Variants in RCOR1 observed in about 807,000 individuals in gnomAD.
RCOR1 encodes REST corepressor.
A neutral mutation model predicts 64.0 loss-of-function variants in RCOR1; 12 were observed. The observed-to-expected ratio is 0.19, with a 90% CI of 0.12 to 0.30. The LOEUF (loss-of-function observed/expected upper bound fraction) is 0.30, where lower values mean the gene tolerates loss of function less well. Ranked by LOEUF, RCOR1 falls within the 10% of genes least tolerant of loss-of-function variation. The pLI is 1.00. For synonymous variants in RCOR1, 279 were observed against 227.2 expected (o/e 1.23, Z -2.05); for missense variants, 502 against 621.2 (o/e 0.81, Z 2.04).
At chr14:102,595,443 A>G (rs1446890469) in intron 2 of RCOR1, among the ~76,000 whole-genome samples, 1 of 152,192 alleles carries the variant, frequency 6.6e-6, no homozygotes. Context: ...TGCAGTGAGC[A>G]GTGATCTGGC....
At chr14:102,654,156 T>C (rs1226733742) in intron 2 of RCOR1, among the ~76,000 whole-genome samples, 1 of 151,568 alleles carries the variant, frequency 6.6e-6, no homozygotes, top group Non-Finnish European at 1.5e-5. Flanking sequence ...TGGCTAATTT[T>C]TTGTATTTTT....
intron 3 of RCOR1, among the ~76,000 whole-genome samples, chr14:102,691,588 G>GACTC (rs1885826067): frequency 6.6e-6 from 1 of 152,208 alleles, no homozygotes; most frequent in Admixed American, 6.5e-5. Context: ...TGAAACTTGT[G>GACTC]ATTAAAATGA....
intron 11 of RCOR1, 137 bp from the exon 12 acceptor site, chr14:102,726,331 A>AG: frequency 1.2e-5 from 2 of 168,304 alleles, no homozygotes; most frequent in Non-Finnish European, 1.2e-5. Flanking sequence ...TCTCCCCTCC[A>AG]AAAAAAAAAA....
chr14:102,694,425 T>TTTTTTG (rs773793217), intron 3 of RCOR1, among the ~76,000 whole-genome samples: 6 of 152,012 alleles, frequency 3.9e-5, no homozygotes, highest in Admixed American at 6.5e-5. Context: ...CCCGGCTAAT[T>TTTTTTG]TTTTTGTTTT....
At chr14:102,721,966 C>T (rs1476507766) in intron 10 of RCOR1, among the ~76,000 whole-genome samples, 3 of 152,108 alleles carry the variant, frequency 2.0e-5, no homozygotes, top group African/African-American at 7.2e-5. Flanking sequence ...TGTTATGTGA[C>T]ATGTAATGGG....
intron 2 of RCOR1, among the ~76,000 whole-genome samples, chr14:102,593,852 C>A (rs1595185084): frequency 6.6e-6 from 1 of 152,312 alleles, no homozygotes; most frequent in Non-Finnish European, 1.5e-5. Flanking sequence ...AACGACCCCC[C>A]AAAACCAGTC....
In RCOR1 at chr14:102,678,172, C is replaced by T. The variant is rs993169708; in HGVS notation, c.362-3723C>T. ...GCAGCAGTACCGTCCAGCTTTGGCTCGGCATCAGAGGGAGACCGTGGAAGG... is the reference window on the plus strand; with the variant it reads ...GCAGCAGTACCGTCCAGCTTTGGCTTGGCATCAGAGGGAGACCGTGGAAGG... On this transcript the variant is annotated intron_variant, in intron 2 of 11. Transcript: ENST00000262241. 6.9e-3 allele frequency among the ~76,000 whole-genome samples: 1,053 copies of T among 152,152 alleles called. 11 individuals carry two copies. The highest frequency in any genetic ancestry group is 0.024 in the African/African-American group (1,002 of 41,514).
At position 102,717,076 on chromosome 14, in the gene RCOR1, G is replaced by C. The variant is rs1050835875; in HGVS notation, c.1053+2459G>C. 2.0e-5 allele frequency among the ~76,000 whole-genome samples: 3 copies of C among 152,140 alleles called. 1 individual carries two copies. The highest frequency in any genetic ancestry group is 3.8e-4 in the East Asian group (2 of 5,200). On this transcript the variant is annotated intron_variant, in intron 8 of 11. Coordinates refer to ENST00000262241, the MANE Select transcript of RCOR1 (RefSeq NM_015156.4). ...TATTTGGTACTTTTTTGGTGCTCTT[G>C]TAAAGGATATTGTTTTTTAAATTAC...
At chr14:102,725,304 C>A (rs1453271122) in intron 11 of RCOR1, among the ~76,000 whole-genome samples, 1 of 152,222 alleles carries the variant, frequency 6.6e-6, no homozygotes, top group Non-Finnish European at 1.5e-5. Context: ...AGTTGTTTCT[C>A]CAGCAATGAG....
intron 11 of RCOR1, among the ~76,000 whole-genome samples, chr14:102,723,392 A>T (rs1896200360): frequency 6.6e-6 from 1 of 152,214 alleles, no homozygotes; most frequent in Admixed American, 6.5e-5. Flanking sequence ...CCGCCACTCC[A>T]TGCAGGGCCT....
At chr14:102,617,321 C>G (rs1485828845) in intron 2 of RCOR1, among the ~76,000 whole-genome samples, 1 of 152,138 alleles carries the variant, frequency 6.6e-6, no homozygotes, top group Non-Finnish European at 1.5e-5. Context: ...TATTTTTTAG[C>G]GTTTCAAGAG....
chr14:102,618,939 G>C (rs1595196980), intron 2 of RCOR1, among the ~76,000 whole-genome samples: 1 of 152,190 alleles, frequency 6.6e-6, no homozygotes, highest in East Asian at 1.9e-4. Context: ...CGTTTAGATG[G>C]AGTCCTGTGG....
chr14:102,664,362 G>A (rs527528728), intron 2 of RCOR1, among the ~76,000 whole-genome samples: 35 of 152,196 alleles, frequency 2.3e-4, no homozygotes, highest in Non-Finnish European at 4.9e-4. Context: ...TCGTCTACCC[G>A]CCTGAGCCTC....
chr14:102,691,395 A>G (rs1325273156), intron 3 of RCOR1, among the ~76,000 whole-genome samples: 1 of 152,194 alleles, frequency 6.6e-6, no homozygotes, highest in Non-Finnish European at 1.5e-5. Flanking sequence ...AGACCTCAGC[A>G]TCACGCAGTG....
chr14:102,691,759 A>G (rs1214165733), intron 3 of RCOR1, among the ~76,000 whole-genome samples: 1 of 152,238 alleles, frequency 6.6e-6, no homozygotes, highest in Non-Finnish European at 1.5e-5. Context: ...CCTTGTAATC[A>G]TATTAATGTC....
intron 3 of RCOR1, among the ~76,000 whole-genome samples, chr14:102,700,476 G>A (rs1205544045): frequency 3.9e-5 from 6 of 152,158 alleles, no homozygotes; most frequent in African/African-American, 1.2e-4. Flanking sequence ...GCCTGCCCTA[G>A]CCTCCCAAAA....
At chr14:102,657,600 G>T in intron 2 of RCOR1, 1 of 871,944 alleles carries the variant, frequency 1.1e-6, no homozygotes, top group Non-Finnish European at 1.4e-6. Context: ...CACTTTGGGA[G>T]GCCAAGGCGG....
chr14:102,710,708 G>C (rs764913316), intron 6 of RCOR1: 1 of 498,306 alleles, frequency 2.0e-6, no homozygotes, highest in East Asian at 3.8e-5. Context: ...ATCTATTTTA[G>C]TAGTTTCTCA....
chr14:102,669,647 C>G (rs765568884), intron 2 of RCOR1, among the ~76,000 whole-genome samples: 2 of 152,200 alleles, frequency 1.3e-5, no homozygotes, highest in Non-Finnish European at 2.9e-5. Flanking sequence ...TACTTCATCT[C>G]TCTGTGCTTT....
Sources: allele counts gnomAD v4.1 joint callset (sites outside exome capture counted in the v4.1 genomes callset), GRCh38; gene constraint gnomAD v4.1.1; transcripts MANE v1.5; gene names NCBI Gene and HGNC (gene_info 2026-07-23, HGNC 2026-07-21).